BMPR1B: variants seen among roughly 807,000 people sequenced by gnomAD.
BMPR1B encodes bone morphogenetic protein receptor type 1B.
BMPR1B carries 12 observed loss-of-function variants against 59.1 expected under a neutral mutation model. The observed-to-expected ratio is 0.20, with a 90% confidence interval of 0.13 to 0.33. BMPR1B has a LOEUF of 0.33. Among genes scored for constraint, BMPR1B ranks in the 10% least tolerant of loss-of-function variants. The probability of loss-of-function intolerance (pLI) is 1.00; values close to 1 mark genes in which losing one functional copy is unlikely to be tolerated. For missense variants in BMPR1B, 550 were observed against 610.9 expected, an observed-to-expected ratio of 0.90 and a Z score of 1.05; for synonymous variants, 237 against 207.3, an observed-to-expected ratio of 1.14 and a Z score of -1.23.
At position 94,758,030 on chromosome 4, in the gene BMPR1B, G is replaced by T. The variant is rs1460536671; in HGVS notation, c.-221G>T. 7 of 147,542 alleles carry T rather than the reference G, an allele frequency of 4.7e-5. No individual in the cohort carries two copies. Among genetic ancestry groups the T allele is most frequent in the Admixed American group, 4.7e-4 (7 of 14,820 alleles). The allele number at this position is 147,542 out of a possible 1,614,324, so 9.1% of individuals were successfully genotyped here. A position where few individuals can be genotyped will look rare whatever the true frequency, so the allele number is the denominator to read the frequency against. ...CGGGACGCCGGGCAGTGCGGAGACC[G>T]CGGCGCTGAGGACGCGGGAGCCGGG... On this transcript the variant is annotated 5_prime_UTR_variant, in exon 1 of 13. Coordinates refer to ENST00000515059, the MANE Select transcript of BMPR1B (RefSeq NM_001203.3).
chr4:94,801,617 C>T (rs1723410687), intron 1 of BMPR1B, among the ~76,000 whole-genome samples: 1 of 152,100 alleles, frequency 6.6e-6, no homozygotes, highest in Admixed American at 6.6e-5. Context: ...ACTATTATTC[C>T]TATTTTGTAA....
intron 4 of BMPR1B, among the ~76,000 whole-genome samples, chr4:95,105,931 T>C (rs571081876): frequency 1.8e-4 from 27 of 151,984 alleles, no homozygotes; most frequent in African/African-American, 6.3e-4. Context: ...TCTGTGGTAT[T>C]CAGAATACGC....
intron 1 of BMPR1B, among the ~76,000 whole-genome samples, chr4:94,852,799 G>A (rs1207967406): frequency 6.6e-6 from 1 of 152,118 alleles, no homozygotes; most frequent in African/African-American, 2.4e-5. Flanking sequence ...AGCTACTGTA[G>A]TTTTTATAAA....
At chr4:95,076,509 C>G (rs1488243017) in intron 3 of BMPR1B, among the ~76,000 whole-genome samples, 1 of 152,026 alleles carries the variant, frequency 6.6e-6, no homozygotes, top group Non-Finnish European at 1.5e-5. Flanking sequence ...ATTGCTCACA[C>G]TTATATGAGG....
At position 95,156,104 on chromosome 4, in the gene BMPR1B, C is replaced by G. The variant is rs1448392624; in HGVS notation, c.*1431C>G. Reference sequence around the variant, plus strand: ...GGCACTTATACAAAATATCTCTTCACCTACTTAGTTCTACAGGGTTTTAAC... The same window carrying G: ...GGCACTTATACAAAATATCTCTTCAGCTACTTAGTTCTACAGGGTTTTAAC... On this transcript the variant is annotated 3_prime_UTR_variant, in exon 13 of 13. Transcript: ENST00000515059. 1.3e-5 allele frequency: 2 copies of G among 152,074 alleles called. No individual in the cohort carries two copies. The highest frequency in any genetic ancestry group is 2.9e-5 in the Non-Finnish European group (2 of 68,008). 9.4% of individuals were successfully genotyped at this position (152,074 alleles called of 1,614,324 possible).
chr4:94,905,130 CT>C lies in BMPR1B; in HGVS notation c.-113+29234del, dbSNP rs1239177652. The stretch of plus-strand genomic sequence containing the variant: ...ATTGTCCAAAGATGGGGAAAATTTT[CT>C]TTTAGTTTAAGATGATCAAGATGGT... On this transcript the variant is annotated intron_variant, in intron 2 of 12. Coordinates refer to ENST00000515059, the MANE Select transcript of BMPR1B (RefSeq NM_001203.3). Among the ~76,000 whole-genome samples the C allele has an allele frequency of 2.0e-5, 3 of 152,040 alleles. No homozygotes were observed. The East Asian group carries it at 5.8e-4, about 29-fold the overall frequency.
At chr4:94,901,332 A>T (rs1453603727) in intron 2 of BMPR1B, among the ~76,000 whole-genome samples, 1 of 152,012 alleles carries the variant, frequency 6.6e-6, no homozygotes, top group African/African-American at 2.4e-5. Context: ...ATGGTGCAAC[A>T]TGATGTAAAA....
rs577229278 is a variant in BMPR1B at position 94,841,374 on chromosome 4, T to C, written c.-182-34457T>C. Among the ~76,000 whole-genome samples, 12 of 150,660 alleles carry C rather than the reference T, an allele frequency of 8.0e-5. No homozygotes were observed. The South Asian group carries it at 2.5e-3, about 32-fold the overall frequency. On this transcript the variant is annotated intron_variant, in intron 1 of 12. Coordinates refer to ENST00000515059, the MANE Select transcript of BMPR1B (RefSeq NM_001203.3). ...CCCTCCCCCAGCCTCGCTGCCGCCT[T>C]GCAGTTTGATCTCAGACTGCTGTGC...
intron 2 of BMPR1B, among the ~76,000 whole-genome samples, chr4:94,972,123 A>G (rs1215108928): frequency 6.6e-5 from 10 of 151,614 alleles, no homozygotes; most frequent in Admixed American, 5.9e-4. Flanking sequence ...TAGTCTGCTT[A>G]TTTTTTCTAC....
At chr4:94,772,723 A>G (rs1053640253) in intron 1 of BMPR1B, among the ~76,000 whole-genome samples, 1 of 152,218 alleles carries the variant, frequency 6.6e-6, no homozygotes, top group Non-Finnish European at 1.5e-5. Flanking sequence ...TATGTTGAAC[A>G]TAAATAATCA....
At position 94,810,501 on chromosome 4, in the gene BMPR1B, A is replaced by G. The variant is rs115312160; in HGVS notation, c.-183+52433A>G. Among the ~76,000 whole-genome samples the G allele has an allele frequency of 2.2e-3, 329 of 152,344 alleles. 1 individual carries two copies. Among genetic ancestry groups the G allele is most frequent in the African/African-American group, 7.6e-3 (316 of 41,594 alleles). On this transcript the variant is annotated intron_variant, in intron 1 of 12. Transcript: ENST00000515059. ...TGATGTGGGAATGGAAACTTACAGT[A>G]ACTTGTGTTGTTGCCCAGAGGACAA...
At chr4:95,136,509 G>T (rs2149309300) in intron 10 of BMPR1B, among the ~76,000 whole-genome samples, 1 of 152,246 alleles carries the variant, frequency 6.6e-6, no homozygotes, top group South Asian at 2.1e-4. Context: ...TTGTACCTCT[G>T]GTAGAATTCA....
At chr4:94,924,305 G>A (rs770305979) in intron 2 of BMPR1B, among the ~76,000 whole-genome samples, 10 of 152,016 alleles carry the variant, frequency 6.6e-5, no homozygotes, top group Non-Finnish European at 1.5e-4. Context: ...GTACTCTTAA[G>A]TTGGAGAAGA....
chr4:95,144,142 T>C (rs983415273), intron 10 of BMPR1B, among the ~76,000 whole-genome samples: 3 of 152,150 alleles, frequency 2.0e-5, no homozygotes, highest in African/African-American at 7.2e-5. Flanking sequence ...GTAGACATTT[T>C]CATTTTATCC....
intron 1 of BMPR1B, among the ~76,000 whole-genome samples, chr4:94,832,337 G>T (rs1724631971): frequency 6.6e-6 from 1 of 152,080 alleles, no homozygotes; most frequent in African/African-American, 2.4e-5. Flanking sequence ...ACCTATTTCT[G>T]CCATTAAGTG....
chr4:94,989,403 A>C (rs201753937), intron 2 of BMPR1B, among the ~76,000 whole-genome samples: 12,195 of 142,836 alleles, frequency 0.085, 720 homozygotes, highest in East Asian at 0.38. Context: ...AAAAAAAAAA[A>C]CAAAAAAAAT....
chr4:94,868,932 T>C (rs1726364874), intron 1 of BMPR1B, among the ~76,000 whole-genome samples: 1 of 152,200 alleles, frequency 6.6e-6, no homozygotes, highest in South Asian at 2.1e-4. Context: ...CACTGCTTAT[T>C]TGCATGGTAG....
intron 2 of BMPR1B, among the ~76,000 whole-genome samples, chr4:94,960,418 G>T (rs115526588): frequency 6.6e-6 from 1 of 151,942 alleles, no homozygotes; most frequent in Non-Finnish European, 1.5e-5. Flanking sequence ...TGGTACCATC[G>T]GTTTCTTATA....
intron 10 of BMPR1B, among the ~76,000 whole-genome samples, chr4:95,134,043 G>T (rs990657104): frequency 1.3e-5 from 2 of 151,956 alleles, no homozygotes; most frequent in African/African-American, 4.8e-5. Context: ...CCCACGACAG[G>T]CCTGGTGTGT....
Sources: allele counts gnomAD v4.1 joint callset (sites outside exome capture counted in the v4.1 genomes callset), GRCh38; gene constraint gnomAD v4.1.1; transcripts MANE v1.5; gene names NCBI Gene and HGNC (gene_info 2026-07-23, HGNC 2026-07-21).